The following ELP3 variants were observed in gnomAD, a reference collection of about 807,000 sequenced individuals.
ELP3 encodes the protein elongator acetyltransferase complex subunit 3.
Under a neutral mutation model 74.9 loss-of-function variants are expected in ELP3, and 56 were observed. That is an observed-to-expected ratio of 0.75 (90% CI 0.60 to 0.93). The LOEUF is 0.93. ELP3 is among the 40% of genes least tolerant of loss of function. The probability of loss-of-function intolerance (pLI) is 0.00; values close to 1 mark genes in which losing one functional copy is unlikely to be tolerated. For synonymous variants in ELP3, 222 were observed against 239.8 expected (o/e 0.93, Z 0.68); for missense variants, 573 against 686.5 (o/e 0.83, Z 1.85).
intron 8 of ELP3, among the ~76,000 whole-genome samples, chr8:28,131,138 AT>A (rs558881154): frequency 1.3e-5 from 2 of 152,330 alleles, no homozygotes; most frequent in South Asian, 4.1e-4. Flanking sequence ...AATGGTGGTG[AT>A]TGGTGACTGA....
chr8:28,165,970 GA>G (rs2130566222), intron 14 of ELP3, among the ~76,000 whole-genome samples: 1 of 152,242 alleles, frequency 6.6e-6, no homozygotes, highest in East Asian at 1.9e-4. Flanking sequence ...AAAATCAAAT[GA>G]AGCAATTTCT....
rs2061588 is a variant in ELP3, at chr8:28,169,325, C to T, written c.1567+7247C>T. Among the ~76,000 whole-genome samples the T allele has an allele frequency of 9.4e-3, 1,429 of 152,280 alleles. 25 individuals are homozygous for T. Among genetic ancestry groups the T allele is most frequent in the African/African-American group, 0.032 (1,326 of 41,534 alleles). On this transcript the variant is annotated intron_variant, in intron 14 of 14. Coordinates refer to ENST00000256398, the MANE Select transcript of ELP3 (RefSeq NM_018091.6). ...AGTTTAGTGACTTAAAACAACAACC[C>T]TCTTATTTCCTTAATGATTCTGTGG...
intron 14 of ELP3, among the ~76,000 whole-genome samples, chr8:28,169,673 C>G (rs1377224941): frequency 1.3e-5 from 2 of 152,154 alleles, no homozygotes; most frequent in African/African-American, 4.8e-5. Context: ...AAACAACAAG[C>G]ATTTTTTATC....
chr8:28,142,945 A>C (rs974204969), intron 10 of ELP3, among the ~76,000 whole-genome samples: 5 of 152,106 alleles, frequency 3.3e-5, no homozygotes, highest in Non-Finnish European at 7.4e-5. Flanking sequence ...GAATTCCTTG[A>C]GATGCATTAT....
chr8:28,113,671 T>C (rs549306401), intron 7 of ELP3: 1 of 152,422 alleles, frequency 6.6e-6, no homozygotes, highest in Non-Finnish European at 1.5e-5. Flanking sequence ...CAGAAATGTA[T>C]TGGCTCACAG....
chr8:28,119,464 A>C (rs540618238), intron 7 of ELP3, among the ~76,000 whole-genome samples: 3 of 150,590 alleles, frequency 2.0e-5, no homozygotes, highest in Non-Finnish European at 3.0e-5. Context: ...GCTTCAGTAC[A>C]CTTCTCCCGG....
At chr8:28,109,872 T>C (rs1811844548) in intron 5 of ELP3, among the ~76,000 whole-genome samples, 1 of 152,232 alleles carries the variant, frequency 6.6e-6, no homozygotes, top group South Asian at 2.1e-4. Context: ...ACTGATTCCA[T>C]ATAAGGTAGC....
chr8:28,189,849 C>A lies in ELP3; in HGVS notation c.*124C>A. 3 of 1,031,422 alleles carry A rather than the reference C, an allele frequency of 2.9e-6. No individual in the cohort carries two copies. The highest frequency in any genetic ancestry group is 4.3e-6 in the Non-Finnish European group (3 of 695,534). The allele number at this position is 1,031,422 out of a possible 1,614,324, so 63.9% of individuals were successfully genotyped here. On this transcript the variant is annotated 3_prime_UTR_variant, in exon 15 of 15. Coordinates refer to ENST00000256398, the MANE Select transcript of ELP3 (RefSeq NM_018091.6). ...GGGGGGCTTCACCCTCATCCCGCAG[C>A]TGCAGAGACTGGAAACTGCCTTCAA... is the stretch of plus-strand genomic sequence containing the variant.
rs180852092 is a variant in ELP3, at chr8:28,155,895, G to A, written c.1101-47G>A. The A allele has an allele frequency of 3.1e-5, 46 of 1,480,044 alleles. No homozygotes were observed. The African/African-American group carries it at 5.7e-4, about 18-fold the overall frequency. 91.7% of individuals were successfully genotyped at this position (1,480,044 alleles called of 1,614,324 possible). A position where few individuals can be genotyped will look rare whatever the true frequency, so the allele number is the denominator to read the frequency against. On this transcript the variant is annotated intron_variant, in intron 10 of 14. Coordinates refer to ENST00000256398, the MANE Select transcript of ELP3 (RefSeq NM_018091.6). ...AATATCCTTGCCTTACTGCTGTGGA[G>A]AATGATTTCTATTTTGCAACAGCTT...
chr8:28,188,606 A>T (rs965088221), intron 14 of ELP3, among the ~76,000 whole-genome samples: 19 of 152,240 alleles, frequency 1.2e-4, no homozygotes, highest in Admixed American at 1.2e-3. Context: ...TGCTGGGAGC[A>T]TGGTGCACCC....
chr8:28,101,590 C>T (rs200421685), intron 3 of ELP3, among the ~76,000 whole-genome samples: 9 of 143,024 alleles, frequency 6.3e-5, no homozygotes, highest in African/African-American at 1.0e-4. Context: ...TCTTGACTTT[C>T]TTTTTTTTTT....
At chr8:28,126,334 A>G (rs533578625) in intron 7 of ELP3, among the ~76,000 whole-genome samples, 9 of 152,260 alleles carry the variant, frequency 5.9e-5, no homozygotes, top group African/African-American at 2.2e-4. Context: ...CTGCTCCACA[A>G]TTTTTAAAAA....
intron 7 of ELP3, 63 bp downstream of exon 7, chr8:28,113,236 G>C: frequency 7.2e-7 from 1 of 1,394,040 alleles, no homozygotes; most frequent in Admixed American, 2.2e-5. Flanking sequence ...CCTAGCAGTA[G>C]TCTACGAGAA....
At chr8:28,104,486 C>G (rs1811608841) in intron 3 of ELP3, among the ~76,000 whole-genome samples, 1 of 152,258 alleles carries the variant, frequency 6.6e-6, no homozygotes, top group South Asian at 2.1e-4. Context: ...TAACATCCCA[C>G]AGAACCTAGT....
intron 6 of ELP3, 133 bp from the exon 7 acceptor site, chr8:28,112,886 C>G (rs1179863985): frequency 1.4e-6 from 1 of 716,864 alleles, no homozygotes; most frequent in African/African-American, 1.8e-5. Flanking sequence ...ACAGAATTAG[C>G]TAAGTGTGTT....
chr8:28,140,114 T>TTGTG (rs56981709), intron 10 of ELP3, among the ~76,000 whole-genome samples: 4,556 of 143,712 alleles, frequency 0.032, 80 homozygotes, highest in Middle Eastern at 0.045. Flanking sequence ...TGTACATATT[T>TTGTG]TGTGTGTGTG....
chr8:28,153,958 G>A (rs1021650676), intron 10 of ELP3, among the ~76,000 whole-genome samples: 1 of 152,080 alleles, frequency 6.6e-6, no homozygotes, highest in Non-Finnish European at 1.5e-5. Flanking sequence ...ATGGTATTCC[G>A]CACCTCTTCA....
chr8:28,175,241 C>T (rs983215419), intron 14 of ELP3, among the ~76,000 whole-genome samples: 4 of 152,026 alleles, frequency 2.6e-5, no homozygotes, highest in African/African-American at 9.7e-5. Context: ...CTTTATGTCT[C>T]TCATCTCCCT....
intron 7 of ELP3, among the ~76,000 whole-genome samples, chr8:28,126,099 T>C (rs1812566127): frequency 6.6e-6 from 1 of 152,204 alleles, no homozygotes; most frequent in Non-Finnish European, 1.5e-5. Flanking sequence ...AGGGGCTTCC[T>C]GTCCAGATGG....
Sources: gnomAD v4.1 joint callset for allele counts (sites outside exome capture counted in the v4.1 genomes callset) on GRCh38, gnomAD v4.1.1 for gene constraint, MANE v1.5 for transcripts, NCBI Gene and HGNC (gene_info 2026-07-23, HGNC 2026-07-21) for gene names.